The following MAP3K7CL variants were observed in gnomAD, a reference collection of about 807,000 sequenced individuals.
MAP3K7CL encodes the protein MAP3K7 C-terminal-like protein.
In MAP3K7CL, 16 loss-of-function variants were observed where a neutral mutation model predicts 18.6. That is an observed-to-expected ratio of 0.86 (90% confidence interval 0.58 to 1.31). The LOEUF is 1.31. MAP3K7CL is among the 50% of genes most tolerant of loss of function. The pLI is 0.00. For synonymous variants in MAP3K7CL, 65 were observed against 66.8 expected (o/e 0.97, Z 0.13); for missense variants, 163 against 174.4 (o/e 0.93, Z 0.37).
intron 2 of MAP3K7CL, among the ~76,000 whole-genome samples, chr21:29,143,841 T>C (rs1322163427): frequency 1.3e-5 from 2 of 152,182 alleles, no homozygotes; most frequent in Non-Finnish European, 2.9e-5. Flanking sequence ...GTGAAGATGC[T>C]GTTTAGAACA....
chr21:29,154,921 A>G (rs1306485516), intron 3 of MAP3K7CL, among the ~76,000 whole-genome samples: 1 of 152,190 alleles, frequency 6.6e-6, no homozygotes, highest in African/African-American at 2.4e-5. Context: ...GTTGTCATTT[A>G]GGTATGGCTT....
intron 1 of MAP3K7CL, among the ~76,000 whole-genome samples, chr21:29,086,473 G>A (rs2085927902): frequency 2.6e-5 from 4 of 152,278 alleles, no homozygotes; most frequent in Non-Finnish European, 5.9e-5. Flanking sequence ...ATGCTCTGGG[G>A]GAAATTAAGG....
intron 4 of MAP3K7CL, among the ~76,000 whole-genome samples, chr21:29,116,102 A>C (rs544173815): frequency 6.6e-6 from 1 of 152,220 alleles, no homozygotes; most frequent in African/African-American, 2.4e-5. Context: ...ATGCTTTTCT[A>C]TATCCCATGT....
intron 4 of MAP3K7CL, among the ~76,000 whole-genome samples, chr21:29,113,407 CTG>C (rs2086452970): frequency 6.6e-6 from 1 of 152,212 alleles, no homozygotes. Flanking sequence ...ACTTCCTTCA[CTG>C]TTCTCCCAGA....
At chr21:29,086,580 C>T (rs1243560313) in intron 1 of MAP3K7CL, among the ~76,000 whole-genome samples, 2 of 152,170 alleles carry the variant, frequency 1.3e-5, no homozygotes, top group African/African-American at 4.8e-5. Context: ...CCGTGATGAG[C>T]AGTGCTGGCC....
At chr21:29,135,102 A>G (rs1319234575) in intron 2 of MAP3K7CL, among the ~76,000 whole-genome samples, 2 of 152,104 alleles carry the variant, frequency 1.3e-5, no homozygotes, top group Non-Finnish European at 2.9e-5. Context: ...AAGCATTAGT[A>G]TTCCTTATGT....
rs1303387970 is a variant in MAP3K7CL, at chr21:29,141,354, A to G, written c.71-7835A>G. ...GTGGTGAAACCTGTCTCTACTAAAA[A>G]TACAAAAAATTAGCCAGGTGTGGTG... On this transcript the variant is annotated intron_variant, in intron 2 of 4. Coordinates refer to ENST00000399928, the MANE Select transcript of MAP3K7CL (RefSeq NM_001286620.2). Among the ~76,000 whole-genome samples the G allele has an allele frequency of 3.9e-5, 6 of 152,030 alleles. No homozygotes were observed. The East Asian group carries it at 1.2e-3, about 29-fold the overall frequency.
chr21:29,164,813 C>T (rs2087645207), intron 4 of MAP3K7CL, among the ~76,000 whole-genome samples: 1 of 152,044 alleles, frequency 6.6e-6, no homozygotes, highest in South Asian at 2.1e-4. Context: ...TGAAAAATTA[C>T]CAAGAATTCT....
intron 4 of MAP3K7CL, among the ~76,000 whole-genome samples, chr21:29,095,375 C>A (rs1601140275): frequency 1.3e-5 from 2 of 152,104 alleles, no homozygotes; most frequent in East Asian, 3.9e-4. Flanking sequence ...GGGGCAGGGG[C>A]TCATTTTTCT....
At chr21:29,106,187 G>C (rs994263856) in intron 4 of MAP3K7CL, among the ~76,000 whole-genome samples, 12 of 151,956 alleles carry the variant, frequency 7.9e-5, no homozygotes, top group Non-Finnish European at 1.3e-4. Context: ...TAAGAAAACG[G>C]CACTTTTTTT....
chr21:29,123,055 C>CTTTTT (rs1166550061), intron 4 of MAP3K7CL, among the ~76,000 whole-genome samples: 8 of 89,316 alleles, frequency 9.0e-5, no homozygotes, highest in Middle Eastern at 8.9e-3. Context: ...AAGAAATGAT[C>CTTTTT]TTTTTTTTTT....
At chr21:29,129,910 G>A (rs201790022), upstream of MAP3K7CL, among the ~76,000 whole-genome samples, 6 of 152,294 alleles carry the variant, frequency 3.9e-5, no homozygotes, top group East Asian at 1.2e-3. Flanking sequence ...GACATATGAT[G>A]TTGATCATCT....
At chr21:29,081,667 C>T (rs1443602341), upstream of MAP3K7CL, among the ~76,000 whole-genome samples, 1 of 151,878 alleles carries the variant, frequency 6.6e-6, no homozygotes, top group South Asian at 2.1e-4. Context: ...GGTAAATTTA[C>T]TCTTTCTTTT....
chr21:29,143,589 A>AT lies in MAP3K7CL; in HGVS notation c.71-5595dup, dbSNP rs2087056978. On this transcript the variant is annotated intron_variant, in intron 2 of 4. Transcript: ENST00000399928. ...AGGCATGTGCCACCACGCCTGGCTA[A>AT]TTTTTGTATTTTTGGTAGAGACTGG... is the stretch of plus-strand genomic sequence containing the variant. Among the ~76,000 whole-genome samples, 7 of 151,768 alleles carry AT rather than the reference A, an allele frequency of 4.6e-5. No individual in the cohort carries two copies. In the South Asian group the frequency reaches 1.5e-3, roughly 32 times the overall value.
At chr21:29,149,285 CT>C in intron 3 of MAP3K7CL, 35 bp downstream of exon 3, 1 of 1,584,336 alleles carries the variant, frequency 6.3e-7, no homozygotes, top group Non-Finnish European at 8.7e-7. Context: ...TTCTTTCCTC[CT>C]TAGTGTCATA....
intron 3 of MAP3K7CL, 109 bp from the exon 4 acceptor site, chr21:29,159,832 A>G: frequency 2.6e-6 from 2 of 780,970 alleles, no homozygotes; most frequent in Non-Finnish European, 4.2e-6. Context: ...CGTTAAAAAA[A>G]AAAAAGAAGA....
At chr21:29,171,545 G>A (rs2087827247) in intron 4 of MAP3K7CL, among the ~76,000 whole-genome samples, 1 of 152,150 alleles carries the variant, frequency 6.6e-6, no homozygotes, top group African/African-American at 2.4e-5. Flanking sequence ...ACCGGGCGTG[G>A]TGGTTCACGC....
intron 4 of MAP3K7CL, among the ~76,000 whole-genome samples, chr21:29,160,320 C>T (rs1177697427): frequency 6.6e-6 from 1 of 152,222 alleles, no homozygotes; most frequent in South Asian, 2.1e-4. Context: ...CCCAAAACCA[C>T]ACTATGTTTT....
intron 1 of MAP3K7CL, among the ~76,000 whole-genome samples, chr21:29,078,631 T>C (rs1388590004): frequency 6.6e-6 from 1 of 152,196 alleles, no homozygotes; most frequent in Non-Finnish European, 1.5e-5. Context: ...ACTTCCAATG[T>C]GGGTCAGAAG....
Sources: gnomAD v4.1 joint callset for allele counts (sites outside exome capture counted in the v4.1 genomes callset) on GRCh38, gnomAD v4.1.1 for gene constraint, MANE v1.5 for transcripts, NCBI Gene and HGNC (gene_info 2026-07-23, HGNC 2026-07-21) for gene names.